The following KIF21A variants were observed in gnomAD, a reference collection of about 807,000 sequenced individuals.
KIF21A encodes the protein kinesin family member 21A.
Under a neutral mutation model 202.9 loss-of-function variants are expected in KIF21A, and 114 were observed. The observed-to-expected ratio is 0.56, with a 90% CI of 0.48 to 0.66. The LOEUF (loss-of-function observed/expected upper bound fraction) is 0.66. KIF21A is among the 30% of genes least tolerant of loss of function. The pLI, the probability that KIF21A is intolerant of heterozygous loss-of-function variation, is 0.00. For missense variants in KIF21A, 1,677 were observed against 1,994.9 expected (o/e 0.84, Z 3.04); for synonymous variants, 667 against 670.8 (o/e 0.99, Z 0.09).
At chr12:39,331,093 T>A (rs1421980445) in intron 22 of KIF21A, among the ~76,000 whole-genome samples, 182 bp from the exon 23 acceptor site, 1 of 152,164 alleles carries the variant, frequency 6.6e-6, no homozygotes, top group African/African-American at 2.4e-5. Flanking sequence ...CAAGATGTTA[T>A]CTTCTGGATT....
At chr12:39,349,527 T>G (rs1948191777) in intron 11 of KIF21A, among the ~76,000 whole-genome samples, 1 of 152,040 alleles carries the variant, frequency 6.6e-6, no homozygotes, top group Non-Finnish European at 1.5e-5. Flanking sequence ...ACTGAGCACT[T>G]TAGTAAAGCT....
rs968830367 is a variant in KIF21A, at chr12:39,358,263, A to G, written c.1130T>C (p.Val377Ala). Residue 377 changes from valine (V) to alanine (A), a missense_variant, in exon 8 of 38, where the codon GTC (valine) becomes GCC (alanine). Val to Ala is a moderately conservative substitution (Grantham distance 64). Around this residue, in one of 3 missense-constraint regions of KIF21A, gnomAD observed 966 missense variants for 1,180.9 expected, o/e 0.82. Coordinates refer to ENST00000361418, the MANE Select transcript of KIF21A (RefSeq NM_001173464.2). ...TTGCTGACTAGCTCTGTCCTGATTG[A>G]CCATCACCTTATTCTTGATATTTCT... ...RARNIKNKVMVNQDRASQQIN... is the reference protein window; with the variant it reads ...RARNIKNKVMANQDRASQQIN... The G allele has an allele frequency of 1.2e-6, 2 of 1,614,014 alleles. No homozygotes were observed. Among genetic ancestry groups the G allele is most frequent in the Admixed American group, 3.3e-5 (2 of 60,010 alleles).
chr12:39,303,268 T>A, intron 35 of KIF21A, 133 bp from the exon 36 acceptor site: 2 of 730,852 alleles, frequency 2.7e-6, no homozygotes, highest in South Asian at 3.6e-5. Flanking sequence ...GTTTCTGGTT[T>A]GTTAAATGTT....
rs1939872379 is a variant in KIF21A, at chr12:39,442,959, G to T, written c.12C>A (p.Ala4=). ...CCACCCGCACGGAGCTCTCGTCCGGGGCGCCCAACATGCTGGCGGCGGGCA... is the reference window on the plus strand; with the variant it reads ...CCACCCGCACGGAGCTCTCGTCCGGTGCGCCCAACATGCTGGCGGCGGGCA... MLG[A]PDESSVRVAV... is the part of the protein sequence containing the mutation. Residue 4 remains alanine, a synonymous_variant, in exon 1 of 38, where the codon GCC becomes GCA. Coordinates refer to ENST00000361418, the MANE Select transcript of KIF21A (RefSeq NM_001173464.2). This position sits in a 1 kb window ranked among gnomAD's most constrained non-coding sequence, Gnocchi z 5.0. 2 of 1,522,944 alleles carry T rather than the reference G, an allele frequency of 1.3e-6. No individual in the cohort carries two copies. Among genetic ancestry groups the T allele is most frequent in the South Asian group, 1.2e-5 (1 of 82,698 alleles). 94.3% of individuals were successfully genotyped at this position (1,522,944 alleles called of 1,614,324 possible).
At chr12:39,399,168 A>C (rs1951979541) in intron 1 of KIF21A, among the ~76,000 whole-genome samples, 1 of 152,234 alleles carries the variant, frequency 6.6e-6, no homozygotes, top group Admixed American at 6.5e-5. Context: ...ACAGTGAGCC[A>C]AGATCACAGC....
intron 1 of KIF21A, among the ~76,000 whole-genome samples, chr12:39,436,548 C>T (rs1938809690): frequency 6.8e-6 from 1 of 146,106 alleles, no homozygotes; most frequent in Non-Finnish European, 1.5e-5. Context: ...AATTTCTAGC[C>T]CCAAGCGATC....
chr12:39,373,865 C>T (rs1950111634), intron 1 of KIF21A, among the ~76,000 whole-genome samples: 1 of 152,068 alleles, frequency 6.6e-6, no homozygotes, highest in Non-Finnish European at 1.5e-5. Context: ...GGATGATGCC[C>T]AATTTCATCC....
intron 16 of KIF21A, among the ~76,000 whole-genome samples, chr12:39,338,648 C>A (rs140413443): frequency 4.5e-4 from 69 of 152,254 alleles, no homozygotes; most frequent in African/African-American, 1.6e-3. Flanking sequence ...GGTTTGGTTC[C>A]AGAGCACCGC....
chr12:39,352,615 T>A (rs1263565871), intron 10 of KIF21A, among the ~76,000 whole-genome samples: 1 of 152,152 alleles, frequency 6.6e-6, no homozygotes, highest in Admixed American at 6.6e-5. Flanking sequence ...CTCCCCTTAG[T>A]TTCAGTTCCT....
chr12:39,335,593 A>T (rs2138229337), intron 17 of KIF21A, among the ~76,000 whole-genome samples: 1 of 152,218 alleles, frequency 6.6e-6, no homozygotes, highest in East Asian at 1.9e-4. Flanking sequence ...CTGTAATTAG[A>T]TGGTGGTGAT....
chr12:39,374,531 G>A (rs1013164628), intron 1 of KIF21A, among the ~76,000 whole-genome samples: 15 of 151,934 alleles, frequency 9.9e-5, no homozygotes, highest in East Asian at 1.9e-4. Flanking sequence ...AAACAATTAC[G>A]GACAAAAATT....
intron 22 of KIF21A, among the ~76,000 whole-genome samples, chr12:39,331,374 T>C (rs1296280807): frequency 6.6e-6 from 1 of 152,214 alleles, no homozygotes; most frequent in African/African-American, 2.4e-5. Flanking sequence ...AATGTTAAAT[T>C]AGTTATGATA....
chr12:39,357,543 T>A, intron 8 of KIF21A, 106 bp from the exon 9 acceptor site: 1 of 943,722 alleles, frequency 1.1e-6, no homozygotes, highest in Non-Finnish European at 1.7e-6. Flanking sequence ...AAGAGCGTTT[T>A]CATCTTACCA....
chr12:39,346,481 T>C lies in KIF21A; in HGVS notation c.1697A>G (p.Asn566Ser). ...KKRLQKLEES[N>S]REERSVAGKE... ...ATATTCCAACCTTCTTTCTTCTCGA[T>C]TGCTTTCCTCAAGTTTCTGTAGCCT... The change falls in exon 12 of 38, where the codon AAT (asparagine) becomes AGT (serine). Residue 566 changes from asparagine (N) to serine (S), a missense_variant. This residue lies in a region of KIF21A where 966 missense variants were observed against 1,180.9 expected (regional missense o/e 0.82). Transcript: ENST00000361418. The C allele has an allele frequency of 6.8e-7, 1 of 1,479,068 alleles. No individual in the cohort carries two copies. Among genetic ancestry groups the C allele is most frequent in the South Asian group, 1.4e-5 (1 of 72,198 alleles). 91.6% of individuals were successfully genotyped at this position (1,479,068 alleles called of 1,614,324 possible).
At chr12:39,358,990 GCCCCA>G (rs1210130388) in intron 7 of KIF21A, among the ~76,000 whole-genome samples, 22 of 152,110 alleles carry the variant, frequency 1.4e-4, no homozygotes, top group Non-Finnish European at 3.2e-4. Context: ...TGCTAAGTAT[GCCCCA>G]TTATGTTTGT....
chr12:39,364,459 C>T (rs185329163), intron 6 of KIF21A, among the ~76,000 whole-genome samples: 1 of 152,286 alleles, frequency 6.6e-6, no homozygotes, highest in Admixed American at 6.5e-5. Flanking sequence ...TGCAAGAAGT[C>T]CAGAATCCAG....
In KIF21A at chr12:39,337,114, C is replaced by T; in HGVS notation, c.2400G>A (p.Lys800=). The T allele has an allele frequency of 1.2e-6, 2 of 1,605,178 alleles. No individual in the cohort carries two copies. Among genetic ancestry groups the T allele is most frequent in the Non-Finnish European group, 1.7e-6 (2 of 1,173,206 alleles). The change falls in exon 17 of 38, where the codon AAG becomes AAA. Residue 800 remains lysine (K), a synonymous_variant. Coordinates refer to ENST00000361418, the MANE Select transcript of KIF21A (RefSeq NM_001173464.2). Reference sequence around the variant, plus strand: ...CACTTACATCTCTTTTACGTTGATCCTTTTTCAACTGAGCAATCTCTCTGT... The same window carrying T: ...CACTTACATCTCTTTTACGTTGATCTTTTTTCAACTGAGCAATCTCTCTGT... ...RRNREIAQLK[K]DQRKRDHQLR...
At chr12:39,356,492 C>A in intron 10 of KIF21A, 4 of 203,228 alleles carry the variant, frequency 2.0e-5, no homozygotes, top group Non-Finnish European at 2.9e-5. Context: ...TTGATCTATT[C>A]CCAACTGATG....
At chr12:39,369,327 G>A (rs1949800846) in intron 3 of KIF21A, among the ~76,000 whole-genome samples, 1 of 152,016 alleles carries the variant, frequency 6.6e-6, no homozygotes, top group African/African-American at 2.4e-5. Context: ...AGGTGTGGTG[G>A]TGCATGCCTG....
Sources: gnomAD v4.1 joint callset for allele counts (sites outside exome capture counted in the v4.1 genomes callset) on GRCh38, gnomAD v4.1.1 for gene constraint, gnomAD v4.1.1 regional missense constraint, Gnocchi (gnomAD v3.1) non-coding constraint, MANE v1.5 for transcripts, NCBI Gene and HGNC (gene_info 2026-07-23, HGNC 2026-07-21) for gene names.